Variants in MGST1 observed in about 807,000 individuals in gnomAD.
MGST1 encodes the protein microsomal glutathione S-transferase 1.
Under a neutral mutation model 8.9 loss-of-function variants are expected in MGST1, and 5 were observed. That is an observed-to-expected ratio of 0.56 (90% CI 0.29 to 1.19). MGST1 has a LOEUF of 1.19. Ranked by LOEUF, MGST1 falls within the 50% of genes most tolerant of loss-of-function variation. MGST1 has a pLI of 0.08. For missense variants in MGST1, 182 were observed against 187.4 expected, an observed-to-expected ratio of 0.97 and a Z score of 0.17; for synonymous variants, 54 against 67.8, an observed-to-expected ratio of 0.80 and a Z score of 1.00.
intron 1 of MGST1, among the ~76,000 whole-genome samples, chr12:16,385,211 A>G (rs760351793): frequency 3.3e-5 from 5 of 152,202 alleles, no homozygotes; most frequent in African/African-American, 4.8e-5. Flanking sequence ...ATTGTGCCCA[A>G]ATTTTATTTT....
At chr12:16,428,137 T>C (rs1448847647) in intron 1 of MGST1, among the ~76,000 whole-genome samples, 3 of 151,960 alleles carry the variant, frequency 2.0e-5, no homozygotes, top group African/African-American at 7.2e-5. Flanking sequence ...TCTTCAAATT[T>C]TGATTTATTT....
At chr12:16,476,499 A>T (rs1444352376) in intron 4 of MGST1, among the ~76,000 whole-genome samples, 1 of 152,210 alleles carries the variant, frequency 6.6e-6, no homozygotes, top group Admixed American at 6.5e-5. Flanking sequence ...TAGGTGCTGG[A>T]TAAACAAAGA....
downstream of MGST1, among the ~76,000 whole-genome samples, chr12:16,381,289 T>C (rs1438919578): frequency 6.6e-6 from 1 of 152,220 alleles, no homozygotes. Context: ...GGTTCTTCCT[T>C]TCCATATTTA....
intron 4 of MGST1, among the ~76,000 whole-genome samples, chr12:16,493,740 G>A (rs1223563166): frequency 2.0e-5 from 3 of 152,074 alleles, no homozygotes; most frequent in Non-Finnish European, 2.9e-5. Flanking sequence ...GCCTCAAGTG[G>A]AGTCACAGCC....
intron 1 of MGST1, among the ~76,000 whole-genome samples, chr12:16,429,944 T>C (rs548793009): frequency 2.6e-5 from 4 of 152,344 alleles, no homozygotes; most frequent in African/African-American, 9.6e-5. Flanking sequence ...GGTTATTCGA[T>C]AGCATTTTAC....
chr12:16,579,575 G>C (rs1431338369), intron 4 of MGST1, among the ~76,000 whole-genome samples: 1 of 152,166 alleles, frequency 6.6e-6, no homozygotes, highest in Admixed American at 6.5e-5. Flanking sequence ...TAGAATCTTA[G>C]CCAGGGTAAT....
chr12:16,476,879 GTAAA>G (rs1655301608), intron 4 of MGST1, among the ~76,000 whole-genome samples: 1 of 152,174 alleles, frequency 6.6e-6, no homozygotes. Flanking sequence ...TGCAGATAGT[GTAAA>G]TAAAGTCCTT....
intron 1 of MGST1, among the ~76,000 whole-genome samples, chr12:16,412,034 T>TA (rs1053840033): frequency 6.6e-6 from 1 of 152,136 alleles, no homozygotes; most frequent in African/African-American, 2.4e-5. Flanking sequence ...AGTAAACTAT[T>TA]AAAAAAATTA....
intron 1 of MGST1, among the ~76,000 whole-genome samples, chr12:16,404,478 C>A (rs949219551): frequency 1.3e-5 from 2 of 151,758 alleles, no homozygotes; most frequent in African/African-American, 4.8e-5. Flanking sequence ...TTCAAGTTTT[C>A]TTTTTGTATT....
intron 1 of MGST1, among the ~76,000 whole-genome samples, chr12:16,427,257 A>T (rs1419465391): frequency 6.6e-6 from 1 of 152,172 alleles, no homozygotes; most frequent in Non-Finnish European, 1.5e-5. Context: ...GATACAGGTG[A>T]TGAGTGGGAA....
intron 4 of MGST1, among the ~76,000 whole-genome samples, chr12:16,472,610 ACT>A (rs1394206482): frequency 9.2e-5 from 14 of 151,436 alleles, no homozygotes; most frequent in African/African-American, 3.2e-4. Flanking sequence ...GACTTAATAA[ACT>A]CTCTTTCTAC....
At chr12:16,533,570 A>C (rs933593235) in intron 4 of MGST1, among the ~76,000 whole-genome samples, 1 of 152,144 alleles carries the variant, frequency 6.6e-6, no homozygotes, top group Non-Finnish European at 1.5e-5. Flanking sequence ...TAAATTACTT[A>C]TCTGGAGATT....
chr12:16,583,731 A>G (rs533141777), intron 4 of MGST1, among the ~76,000 whole-genome samples: 53 of 152,324 alleles, frequency 3.5e-4, no homozygotes, highest in African/African-American at 1.2e-3. Context: ...AAAGGGTAGC[A>G]TACCCATGGC....
Position 16,584,754 on chromosome 12 carries a change from C to T in MGST1, n.483-4774C>T, listed in dbSNP as rs1361761428. 6.6e-6 allele frequency among the ~76,000 whole-genome samples: 1 copy of T among 152,180 alleles called. No individual in the cohort carries two copies. Among genetic ancestry groups the T allele is most frequent in the Non-Finnish European group, 1.5e-5 (1 of 68,040 alleles). On this transcript the variant is annotated intron_variant and non_coding_transcript_variant, in intron 4 of 4. Coordinates refer to the MGST1 transcript ENST00000538857. The surrounding 1 kb of genome is among the most constrained non-coding windows in gnomAD (Gnocchi z 5.2). ...TTTATCAGGACGGGCTGCTTCTCGCCTCACAAAGCAGTGCCAAGACTCCTT... is the reference window on the plus strand; with the variant it reads ...TTTATCAGGACGGGCTGCTTCTCGCTTCACAAAGCAGTGCCAAGACTCCTT...
chr12:16,459,945 AATGCTACATTTT>A (rs1265230107), intron 4 of MGST1, among the ~76,000 whole-genome samples: 3 of 152,132 alleles, frequency 2.0e-5, no homozygotes, highest in African/African-American at 7.2e-5. Context: ...TAGAAATCTG[AATGCTACATTTT>A]AAAACCTTCT....
intron 1 of MGST1, among the ~76,000 whole-genome samples, chr12:16,397,776 A>G (rs1358324862): frequency 8.8e-6 from 1 of 114,178 alleles, no homozygotes; most frequent in South Asian, 2.9e-4. Flanking sequence ...AATCAATAGT[A>G]TCTTTTTTTT....
chr12:16,557,468 C>G (rs1942235119), intron 4 of MGST1, among the ~76,000 whole-genome samples: 1 of 150,378 alleles, frequency 6.6e-6, no homozygotes, highest in Non-Finnish European at 1.5e-5. Context: ...ATTGGTATAA[C>G]TTTCCTGGAG....
At chr12:16,551,593 C>CTT (rs1292960664) in intron 4 of MGST1, among the ~76,000 whole-genome samples, 1 of 135,990 alleles carries the variant, frequency 7.4e-6, no homozygotes, top group Non-Finnish European at 1.6e-5. Flanking sequence ...AGATGACTTG[C>CTT]TTTTTTTTTT....
At chr12:16,414,569 C>G (rs567279362) in intron 1 of MGST1, among the ~76,000 whole-genome samples, 2 of 151,738 alleles carry the variant, frequency 1.3e-5, no homozygotes, top group Non-Finnish European at 2.9e-5. Context: ...GTGCCCGCCA[C>G]CATGCCCGGC....
Sources: gnomAD v4.1 joint callset for allele counts (sites outside exome capture counted in the v4.1 genomes callset) on GRCh38, gnomAD v4.1.1 for gene constraint, Gnocchi (gnomAD v3.1) non-coding constraint, MANE v1.5 for transcripts, NCBI Gene and HGNC (gene_info 2026-07-23, HGNC 2026-07-21) for gene names.